GRK3: variants seen among roughly 807,000 people sequenced by gnomAD.
GRK3 encodes the protein G protein-coupled receptor kinase 3.
GRK3 carries 54 observed loss-of-function variants against 95.7 expected under a neutral mutation model. That is an observed-to-expected ratio of 0.56 (90% CI 0.45 to 0.71). The LOEUF is 0.71. Among genes scored for constraint, GRK3 ranks in the 30% least tolerant of loss-of-function variants. The probability of loss-of-function intolerance (pLI) is 0.00; values close to 1 mark genes in which losing one functional copy is unlikely to be tolerated. For synonymous variants in GRK3, 281 were observed against 290.8 expected (o/e 0.97, Z 0.34); for missense variants, 649 against 851.2 (o/e 0.76, Z 2.96).
chr22:25,692,887 C>T (rs898941660), intron 12 of GRK3, among the ~76,000 whole-genome samples: 2 of 152,162 alleles, frequency 1.3e-5, no homozygotes, highest in African/African-American at 4.8e-5. Flanking sequence ...GATTTTTAGC[C>T]ACAATTTCAC....
chr22:25,585,791 G>C (rs1396278415), intron 1 of GRK3, among the ~76,000 whole-genome samples: 1 of 152,224 alleles, frequency 6.6e-6, no homozygotes, highest in Non-Finnish European at 1.5e-5. Flanking sequence ...GCAATCCTGG[G>C]TCATCACATA....
At chr22:25,708,104 C>T (rs964204246) in intron 15 of GRK3, among the ~76,000 whole-genome samples, 6 of 151,914 alleles carry the variant, frequency 3.9e-5, no homozygotes, top group African/African-American at 7.3e-5. Context: ...AATAATTAGC[C>T]GGGTGTGGTG....
intron 1 of GRK3, among the ~76,000 whole-genome samples, chr22:25,572,644 C>A (rs971781215): frequency 6.6e-6 from 1 of 152,196 alleles, no homozygotes; most frequent in African/African-American, 2.4e-5. Context: ...ATCCATCTAT[C>A]CATCCCGTAG....
intron 12 of GRK3, 57 bp from the exon 13 acceptor site, chr22:25,695,050 T>C: frequency 7.9e-7 from 1 of 1,270,788 alleles, no homozygotes; most frequent in South Asian, 1.2e-5. Context: ...TGGGGCGCTG[T>C]TAGTGTTTTC....
chr22:25,718,245 A>C lies in GRK3; in HGVS notation c.1655A>C (p.Asp552Ala), dbSNP rs2085402354. 6.2e-7 allele frequency: 1 copy of C among 1,613,518 alleles called. No homozygotes were observed. Among genetic ancestry groups the C allele is most frequent in the African/African-American group, 1.3e-5 (1 of 74,912 alleles). Residue 552 changes from aspartate (D) to alanine (A), a missense_variant and splice_region_variant, in exon 19 of 21, where the codon GAT (aspartate) becomes GCT (alanine). Physicochemically the swap from Asp to Ala is moderately radical, Grantham distance 126. Around this residue, in one of 3 missense-constraint regions of GRK3, gnomAD observed 382 missense variants for 493.8 expected, o/e 0.77. Transcript: ENST00000324198. ...AKNKQLGHEE[D>A]YALGKDCIMH... ...CTCCTAGTGATTTTGTATTCCTCAG[A>C]TTACGCTCTGGGGAAGGACTGTATT...
chr22:25,680,507 C>T (rs1001250597), intron 9 of GRK3, among the ~76,000 whole-genome samples: 6 of 152,014 alleles, frequency 3.9e-5, no homozygotes, highest in Non-Finnish European at 8.8e-5. Flanking sequence ...AGAAAATAAA[C>T]GTTTTAATGT....
intron 13 of GRK3, among the ~76,000 whole-genome samples, chr22:25,696,252 T>C (rs566380074): frequency 6.6e-6 from 1 of 152,310 alleles, no homozygotes; most frequent in South Asian, 2.1e-4. Context: ...AGTGCTGGGA[T>C]TAAACGCCTA....
intron 1 of GRK3, among the ~76,000 whole-genome samples, chr22:25,583,082 C>G (rs1404227762): frequency 6.6e-6 from 1 of 152,166 alleles, no homozygotes; most frequent in African/African-American, 2.4e-5. Context: ...ACTAAAATTC[C>G]TAACTGGCTC....
intron 3 of GRK3, among the ~76,000 whole-genome samples, chr22:25,657,355 T>C (rs2084879468): frequency 6.6e-6 from 1 of 152,234 alleles, no homozygotes; most frequent in South Asian, 2.1e-4. Flanking sequence ...TTCTCCATAA[T>C]TTTTGAAGCT....
intron 5 of GRK3, among the ~76,000 whole-genome samples, chr22:25,664,516 A>ATCTT (rs1409027247): frequency 1.6e-5 from 2 of 121,550 alleles, no homozygotes; most frequent in Non-Finnish European, 1.7e-5. Flanking sequence ...TGACTTTGGC[A>ATCTT]TTTTTTTTTT....
intron 2 of GRK3, among the ~76,000 whole-genome samples, chr22:25,619,173 G>A (rs575927688): frequency 6.6e-6 from 1 of 152,196 alleles, no homozygotes; most frequent in South Asian, 2.1e-4. Context: ...AAACATGATG[G>A]TTGGCTTCCA....
rs1931365512 is a variant in GRK3 at position 25,564,700 on chromosome 22, C to G, written c.-341C>G. ...ACTTGGTCGGGAGGCGCCGGCCCAGCGAGGCCGCTGGGACTGTGCACTGAG... is the reference window on the plus strand; with the variant it reads ...ACTTGGTCGGGAGGCGCCGGCCCAGGGAGGCCGCTGGGACTGTGCACTGAG... On this transcript the variant is annotated 5_prime_UTR_variant, in exon 1 of 21. Transcript: ENST00000324198. 2 of 151,538 alleles carry G rather than the reference C, an allele frequency of 1.3e-5. 1 individual carries two copies. Among genetic ancestry groups the G allele is most frequent in the South Asian group, 4.2e-4 (2 of 4,810 alleles). The allele number at this position is 151,538 out of a possible 1,614,324, so 9.4% of individuals were successfully genotyped here.
At chr22:25,661,308 C>A (rs1452244612) in intron 3 of GRK3, among the ~76,000 whole-genome samples, 1 of 152,150 alleles carries the variant, frequency 6.6e-6, no homozygotes, top group Non-Finnish European at 1.5e-5. Flanking sequence ...GTAACCATGG[C>A]AGTGTGTGTT....
chr22:25,698,070 AGGAGAG>A (rs1210320612), intron 13 of GRK3, among the ~76,000 whole-genome samples: 2 of 144,512 alleles, frequency 1.4e-5, no homozygotes, highest in East Asian at 4.7e-4. Context: ...GAAGGAAAAA[AGGAGAG>A]GGAGGGAGGA....
At chr22:25,592,617 C>T (rs1306448936) in intron 1 of GRK3, among the ~76,000 whole-genome samples, 1 of 151,676 alleles carries the variant, frequency 6.6e-6, no homozygotes, top group Admixed American at 6.6e-5. Flanking sequence ...ATATTTAGAC[C>T]TATGGTCAAT....
At position 25,575,779 on chromosome 22, in the gene GRK3, T is replaced by A. The variant is rs1931869682; in HGVS notation, c.113+10626T>A. 2.0e-5 allele frequency among the ~76,000 whole-genome samples: 3 copies of A among 152,232 alleles called. No homozygotes were observed. The South Asian group carries it at 6.2e-4, about 32-fold the overall frequency. On this transcript the variant is annotated intron_variant, in intron 1 of 20. Coordinates refer to ENST00000324198, the MANE Select transcript of GRK3 (RefSeq NM_005160.4). ...TCCAGATACATCCATGTGGAGACAT[T>A]GAGAGGTATATTTTATCTGTTTGAG...
intron 1 of GRK3, among the ~76,000 whole-genome samples, chr22:25,590,243 A>G (rs547387155): frequency 1.8e-4 from 27 of 152,284 alleles, no homozygotes; most frequent in African/African-American, 6.3e-4. Context: ...GTGGAATACA[A>G]TGCCACTGCG....
chr22:25,584,516 G>A (rs184321645), intron 1 of GRK3, among the ~76,000 whole-genome samples: 1 of 152,372 alleles, frequency 6.6e-6, no homozygotes, highest in East Asian at 1.9e-4. Context: ...AAGCTGCAAA[G>A]TGCTGCCTCA....
chr22:25,617,004 A>G (rs1429305262), intron 2 of GRK3, among the ~76,000 whole-genome samples: 1 of 152,192 alleles, frequency 6.6e-6, no homozygotes, highest in Non-Finnish European at 1.5e-5. Flanking sequence ...AACAGAGAAG[A>G]TTCTTACGGG....
Sources: gnomAD v4.1 joint callset for allele counts (sites outside exome capture counted in the v4.1 genomes callset) on GRCh38, gnomAD v4.1.1 for gene constraint, gnomAD v4.1.1 regional missense constraint, MANE v1.5 for transcripts, NCBI Gene and HGNC (gene_info 2026-07-23, HGNC 2026-07-21) for gene names.